The following EIF4G3 variants were observed in gnomAD, a reference collection of about 807,000 sequenced individuals.
EIF4G3 encodes eIF-4-gamma 3.
A neutral mutation model predicts 186.4 loss-of-function variants in EIF4G3; 34 were observed. The observed-to-expected ratio is 0.18, with a 90% CI of 0.14 to 0.24. EIF4G3 has a LOEUF of 0.24. Among genes scored for constraint, EIF4G3 ranks in the 10% least tolerant of loss-of-function variants. EIF4G3 has a pLI of 1.00. For synonymous variants in EIF4G3, 673 were observed against 679.5 expected (o/e 0.99, Z 0.15); for missense variants, 1,536 against 1,948.5 (o/e 0.79, Z 3.99).
intron 2 of EIF4G3, among the ~76,000 whole-genome samples, chr1:21,155,129 G>A (rs1218196543): frequency 2.0e-5 from 3 of 151,878 alleles, no homozygotes; most frequent in South Asian, 2.1e-4. Context: ...TAGGCATGGT[G>A]GCAGGTGCCT....
intron 21 of EIF4G3, 131 bp from the exon 22 acceptor site, chr1:20,864,843 G>A (rs147089189): frequency 4.6e-4 from 412 of 893,290 alleles, no homozygotes; most frequent in Non-Finnish European, 6.3e-4. Flanking sequence ...TCAGAAAACT[G>A]AACTATACCC....
chr1:20,893,389 G>T, intron 18 of EIF4G3, 128 bp downstream of exon 18: 2 of 1,028,272 alleles, frequency 1.9e-6, no homozygotes, highest in Non-Finnish European at 2.7e-6. Flanking sequence ...GGAAAGGATA[G>T]TCTTTGCCTC....
intron 3 of EIF4G3, among the ~76,000 whole-genome samples, chr1:21,056,751 C>T (rs191991596): frequency 3.1e-4 from 47 of 152,240 alleles, no homozygotes; most frequent in Non-Finnish European, 6.2e-4. Context: ...AAAACAAGTA[C>T]GTTTTCCCAT....
intron 29 of EIF4G3, among the ~76,000 whole-genome samples, chr1:20,842,367 T>C (rs1024052083): frequency 1.3e-5 from 2 of 152,176 alleles, no homozygotes; most frequent in African/African-American, 2.4e-5. Context: ...TCATGTAAAA[T>C]GGTTTCTTTT....
intron 3 of EIF4G3, among the ~76,000 whole-genome samples, chr1:21,079,506 GAAAA>G (rs35855765): frequency 9.9e-6 from 1 of 100,630 alleles, no homozygotes. Context: ...TGTCTCTACA[GAAAA>G]AAAAAAAAAA....
intron 4 of EIF4G3, among the ~76,000 whole-genome samples, chr1:21,004,543 G>C (rs770417846): frequency 1.1e-4 from 16 of 152,158 alleles, no homozygotes; most frequent in Middle Eastern, 6.8e-3. Context: ...ACCTCTCAAG[G>C]CAGTTTGTGA....
intron 14 of EIF4G3, among the ~76,000 whole-genome samples, chr1:20,923,809 C>CTATATATATATATATATATATA (rs10587649): frequency 3.5e-5 from 5 of 143,880 alleles, no homozygotes; most frequent in African/African-American, 1.3e-4. Flanking sequence ...TTACCCATCC[C>CTATATATATATATATATATATA]TATATATATA....
rs1214875266 is a variant in EIF4G3 at position 21,036,963 on chromosome 1, AAAGT to A, written c.-67+13899_-67+13902del. ...AAACAATGAGATCACCTACTCAGAA[AAAGT>A]AAGAAATTCTCTATTCAGTATAGTA... On this transcript the variant is annotated intron_variant, in intron 4 of 36. Coordinates refer to ENST00000602326, the MANE Select transcript of EIF4G3 (RefSeq NM_001391906.1). Among the ~76,000 whole-genome samples the A allele has an allele frequency of 2.0e-5, 3 of 152,240 alleles. No individual in the cohort carries two copies. In the East Asian group the frequency reaches 5.8e-4, roughly 29 times the overall value.
chr1:21,020,997 A>ATTTT (rs60618419), intron 4 of EIF4G3, among the ~76,000 whole-genome samples: 66,046 of 151,612 alleles, frequency 0.44, 14,698 homozygotes, highest in Non-Finnish European at 0.47. Flanking sequence ...ATTTATTTTA[A>ATTTT]TTTTGAGACA....
chr1:20,848,016 G>A, intron 29 of EIF4G3: 1 of 349,394 alleles, frequency 2.9e-6, no homozygotes. Context: ...ACCCAGGATG[G>A]AATGCAGTGG....
At chr1:21,173,272 T>C (rs1373851169) in intron 2 of EIF4G3, among the ~76,000 whole-genome samples, 31 of 151,546 alleles carry the variant, frequency 2.0e-4, no homozygotes, top group Admixed American at 1.8e-3. Flanking sequence ...TCTCGGCTCA[T>C]TGCAACTTCT....
rs371717458 is a variant in EIF4G3, at chr1:20,855,749, G to A, written c.3340-678C>T. On this transcript the variant is annotated intron_variant, in intron 25 of 36. Coordinates refer to ENST00000602326, the MANE Select transcript of EIF4G3 (RefSeq NM_001391906.1). ...TCTGACAGCTCATAATATATATGTTGCTATGCTATGTAATATGCTTTCACA... is the reference window on the plus strand; with the variant it reads ...TCTGACAGCTCATAATATATATGTTACTATGCTATGTAATATGCTTTCACA... 1.2e-4 allele frequency among the ~76,000 whole-genome samples: 19 copies of A among 152,244 alleles called. No individual in the cohort carries two copies. The South Asian group carries it at 3.9e-3, about 32-fold the overall frequency.
At chr1:20,887,405 A>C (rs1466496279) in intron 18 of EIF4G3, among the ~76,000 whole-genome samples, 1 of 152,176 alleles carries the variant, frequency 6.6e-6, no homozygotes, top group Non-Finnish European at 1.5e-5. Context: ...TTCATTACAT[A>C]AAAATACAGT....
At chr1:21,077,317 C>T (rs1034222774) in intron 3 of EIF4G3, among the ~76,000 whole-genome samples, 1 of 151,502 alleles carries the variant, frequency 6.6e-6, no homozygotes, top group Non-Finnish European at 1.5e-5. Flanking sequence ...AGGAGGATCA[C>T]TCAAGCCCAG....
chr1:21,072,868 T>C (rs932859053), intron 3 of EIF4G3, among the ~76,000 whole-genome samples: 9 of 152,218 alleles, frequency 5.9e-5, no homozygotes, highest in Non-Finnish European at 1.3e-4. Context: ...TGGCAGCAGC[T>C]GCTGGTACAT....
chr1:20,986,653 G>A (rs556799640), intron 7 of EIF4G3, among the ~76,000 whole-genome samples: 1 of 145,194 alleles, frequency 6.9e-6, no homozygotes, highest in Admixed American at 7.3e-5. Context: ...GGAGGCTGAA[G>A]CAGGAGAATG....
At chr1:20,954,954 GGC>G (rs2096364008) in intron 12 of EIF4G3, among the ~76,000 whole-genome samples, 1 of 152,158 alleles carries the variant, frequency 6.6e-6, no homozygotes, top group African/African-American at 2.4e-5. Context: ...TGTGAATGTT[GGC>G]ATGTAGGAGG....
At chr1:21,162,358 A>G (rs1344467033) in intron 2 of EIF4G3, among the ~76,000 whole-genome samples, 3 of 151,718 alleles carry the variant, frequency 2.0e-5, no homozygotes, top group Admixed American at 2.0e-4. Context: ...CTGAAGCAGG[A>G]GAATCATTTG....
At chr1:21,104,219 C>T (rs1258143520) in intron 2 of EIF4G3, among the ~76,000 whole-genome samples, 3 of 152,124 alleles carry the variant, frequency 2.0e-5, no homozygotes, top group Non-Finnish European at 2.9e-5. Context: ...AAGACAAATG[C>T]TTAAAAGTCT....
Sources: allele counts gnomAD v4.1 joint callset (sites outside exome capture counted in the v4.1 genomes callset), GRCh38; gene constraint gnomAD v4.1.1; transcripts MANE v1.5; gene names NCBI Gene and HGNC (gene_info 2026-07-23, HGNC 2026-07-21).